Variants in CSMD3 observed in about 807,000 individuals in gnomAD.
CSMD3 encodes the protein CUB and Sushi multiple domains 3.
Under a neutral mutation model 435.2 loss-of-function variants are expected in CSMD3, and 177 were observed. The observed-to-expected ratio is 0.41, with a 90% CI of 0.36 to 0.46. The LOEUF (loss-of-function observed/expected upper bound fraction) is 0.46. Among genes scored for constraint, CSMD3 ranks in the 20% least tolerant of loss-of-function variants. CSMD3 has a pLI of 0.34. For synonymous variants in CSMD3, 1,656 were observed against 1,520.5 expected (o/e 1.09, Z -2.07); for missense variants, 4,265 against 4,504.6 (o/e 0.95, Z 1.52).
rs112176527 is a variant in CSMD3, at chr8:112,822,413, A to G, written c.1859+7273T>C. Among the ~76,000 whole-genome samples, 445 of 152,084 alleles carry G rather than the reference A, an allele frequency of 2.9e-3. 1 individual carries two copies. Among genetic ancestry groups the G allele is most frequent in the African/African-American group, 9.9e-3 (411 of 41,494 alleles). ...CTAAGTATTTTATTCTCTTTGTAGC[A>G]ATTGTAAACTGGAGTTCACTCATCA... On this transcript the variant is annotated intron_variant, in intron 12 of 70. Coordinates refer to ENST00000297405, the MANE Select transcript of CSMD3 (RefSeq NM_198123.2).
At chr8:113,204,228 G>A (rs544178587) in intron 3 of CSMD3, among the ~76,000 whole-genome samples, 3 of 152,004 alleles carry the variant, frequency 2.0e-5, no homozygotes, top group African/African-American at 2.4e-5. Context: ...TAGTGCCCTA[G>A]ATAAAAAGAC....
At chr8:112,464,246 A>C (rs1421231342) in intron 32 of CSMD3, among the ~76,000 whole-genome samples, 1 of 151,894 alleles carries the variant, frequency 6.6e-6, no homozygotes. Flanking sequence ...TCAAAAAAAA[A>C]AAAAAAAAAA....
At chr8:113,166,233 G>A (rs747754746) in intron 4 of CSMD3, among the ~76,000 whole-genome samples, 20 of 151,972 alleles carry the variant, frequency 1.3e-4, no homozygotes, top group African/African-American at 2.4e-4. Context: ...GGCTGGGTGC[G>A]GTGGCTCACA....
At chr8:112,399,265 A>AC (rs561009287) in intron 35 of CSMD3, among the ~76,000 whole-genome samples, 1 of 145,378 alleles carries the variant, frequency 6.9e-6, no homozygotes. Context: ...TTGATTCCAA[A>AC]TTTTTTTTTT....
intron 32 of CSMD3, among the ~76,000 whole-genome samples, chr8:112,412,002 T>C (rs952420030): frequency 6.6e-6 from 1 of 152,106 alleles, no homozygotes; most frequent in African/African-American, 2.4e-5. Context: ...ATTTATTTTG[T>C]CTCTATGCAT....
At chr8:112,741,339 G>C (rs377366517) in intron 13 of CSMD3, among the ~76,000 whole-genome samples, 4 of 151,824 alleles carry the variant, frequency 2.6e-5, no homozygotes, top group Admixed American at 2.0e-4. Flanking sequence ...GTGGCCAATG[G>C]GTATATGAAA....
At chr8:113,076,354 G>C (rs1377451253) in intron 5 of CSMD3, among the ~76,000 whole-genome samples, 2 of 151,738 alleles carry the variant, frequency 1.3e-5, no homozygotes, top group Non-Finnish European at 2.9e-5. Context: ...CATAACATTG[G>C]TCTAATCCCT....
intron 6 of CSMD3, among the ~76,000 whole-genome samples, chr8:112,994,624 A>G (rs906862871): frequency 6.6e-6 from 1 of 151,564 alleles, no homozygotes; most frequent in Non-Finnish European, 1.5e-5. Flanking sequence ...TGTTACACTG[A>G]TAAAATTGAG....
intron 1 of CSMD3, among the ~76,000 whole-genome samples, chr8:113,424,088 C>A (rs2094622512): frequency 6.6e-6 from 1 of 151,592 alleles, no homozygotes; most frequent in African/African-American, 2.4e-5. Flanking sequence ...TAAGGAGGTA[C>A]TTTTGTAGTT....
At chr8:112,675,560 G>C (rs2075753686) in intron 16 of CSMD3, among the ~76,000 whole-genome samples, 1 of 152,082 alleles carries the variant, frequency 6.6e-6, no homozygotes, top group Non-Finnish European at 1.5e-5. Flanking sequence ...GAAGCAGAAA[G>C]CATATATACA....
At chr8:112,751,343 A>G (rs1463292351) in intron 13 of CSMD3, among the ~76,000 whole-genome samples, 2 of 152,148 alleles carry the variant, frequency 1.3e-5, no homozygotes, top group East Asian at 3.9e-4. Flanking sequence ...TATACCTTAT[A>G]TTAAATGGTG....
rs79575855 is a variant in CSMD3 at position 112,905,565 on chromosome 8, T to C, written c.1633+16062A>G. Among the ~76,000 whole-genome samples, 1,008 of 151,558 alleles carry C rather than the reference T, an allele frequency of 6.7e-3. 9 individuals are homozygous for C. Among genetic ancestry groups the C allele is most frequent in the African/African-American group, 0.022 (911 of 41,454 alleles). On this transcript the variant is annotated intron_variant, in intron 10 of 70. Coordinates refer to ENST00000297405, the MANE Select transcript of CSMD3 (RefSeq NM_198123.2). ...AAATTTATTTTACAATTTTGGAAGA[T>C]GGAGATAGTGTCTCCCTCCAGAGCA...
In CSMD3 at chr8:113,210,045, T is replaced by TGTGTGA. The variant is rs1491306465; in HGVS notation, c.515-36130_515-36129insTCACAC. On this transcript the variant is annotated intron_variant, in intron 3 of 70. Coordinates refer to ENST00000297405, the MANE Select transcript of CSMD3 (RefSeq NM_198123.2). ...GTGTGTGTGTGTGTGTGTGTGTGTG[T>TGTGTGA]GATACACAGTGTTTTCTAATTTTAA... Among the ~76,000 whole-genome samples, 58 of 103,464 alleles carry TGTGTGA rather than the reference T, an allele frequency of 5.6e-4. 1 individual carries two copies. Among genetic ancestry groups the TGTGTGA allele is most frequent in the South Asian group, 3.6e-3 (12 of 3,362 alleles). The allele number at this position is 103,464 out of a possible 152,430, so 67.9% of individuals were successfully genotyped here.
chr8:112,877,420 C>T (rs1350608032), intron 10 of CSMD3, among the ~76,000 whole-genome samples: 1 of 151,890 alleles, frequency 6.6e-6, no homozygotes, highest in African/African-American at 2.4e-5. Context: ...GTGTGTGCCA[C>T]CACACCTGGC....
chr8:112,762,172 C>G (rs927488146), intron 13 of CSMD3, among the ~76,000 whole-genome samples: 13 of 151,896 alleles, frequency 8.6e-5, no homozygotes, highest in African/African-American at 3.1e-4. Flanking sequence ...AAGTCTTTAA[C>G]TAAAATTTAT....
rs193051654 is a variant in CSMD3, at chr8:113,000,714, T to C, written c.1030+18353A>G. Reference sequence around the variant, plus strand: ...TTAATCTTTGGTTGTATTTTCCTGATTTTACATTAAGTCTTTGGGGGAAAT... The same window carrying C: ...TTAATCTTTGGTTGTATTTTCCTGACTTTACATTAAGTCTTTGGGGGAAAT... On this transcript the variant is annotated intron_variant, in intron 6 of 70. Transcript: ENST00000297405. Among the ~76,000 whole-genome samples, 670 of 152,224 alleles carry C rather than the reference T, an allele frequency of 4.4e-3. 2 individuals carry two copies. The highest frequency in any genetic ancestry group is 8.7e-3 in the Admixed American group (133 of 15,246).
intron 22 of CSMD3, among the ~76,000 whole-genome samples, chr8:112,622,747 G>A (rs1252285492): frequency 6.6e-6 from 1 of 152,064 alleles, no homozygotes; most frequent in Admixed American, 6.6e-5. Flanking sequence ...TATCTCATTG[G>A]TCTCATTTGT....
intron 38 of CSMD3, among the ~76,000 whole-genome samples, chr8:112,374,049 T>C (rs1006942294): frequency 6.6e-6 from 1 of 152,160 alleles, no homozygotes; most frequent in South Asian, 2.1e-4. Context: ...CAGGGCAGAA[T>C]TTATTAGTAT....
intron 3 of CSMD3, among the ~76,000 whole-genome samples, chr8:113,178,609 G>C (rs2092380634): frequency 6.6e-6 from 1 of 151,890 alleles, no homozygotes; most frequent in African/African-American, 2.4e-5. Flanking sequence ...TATTGATTAA[G>C]AGGAGATCTG....
Sources: gnomAD v4.1 joint callset for allele counts (sites outside exome capture counted in the v4.1 genomes callset) on GRCh38, gnomAD v4.1.1 for gene constraint, MANE v1.5 for transcripts, NCBI Gene and HGNC (gene_info 2026-07-23, HGNC 2026-07-21) for gene names.